Variants in LMOD1 observed in about 807,000 individuals in gnomAD.
The protein encoded by LMOD1 is leiomodin-1.
In LMOD1, 8 loss-of-function variants were observed where a neutral mutation model predicts 36.5. The observed-to-expected ratio is 0.22, with a 90% CI of 0.13 to 0.40. The LOEUF (loss-of-function observed/expected upper bound fraction) is 0.40. Ranked by LOEUF, LMOD1 falls within the 10% of genes least tolerant of loss-of-function variation. The pLI, the probability that LMOD1 is intolerant of heterozygous loss-of-function variation, is 1.00. For synonymous variants in LMOD1, 284 were observed against 288.7 expected, an observed-to-expected ratio of 0.98 and a Z score of 0.17; for missense variants, 630 against 751.1, an observed-to-expected ratio of 0.84 and a Z score of 1.88.
intron 1 of LMOD1, among the ~76,000 whole-genome samples, chr1:201,941,106 A>T (rs1273086751): frequency 1.3e-5 from 2 of 150,922 alleles, no homozygotes; most frequent in African/African-American, 4.9e-5. Context: ...AGGCTGGTAA[A>T]ATTCTTTTTT....
At chr1:201,942,990 A>C (rs2102933468) in intron 1 of LMOD1, among the ~76,000 whole-genome samples, 1 of 152,368 alleles carries the variant, frequency 6.6e-6, no homozygotes, top group East Asian at 1.9e-4. Context: ...CTATCTAGTC[A>C]GGATTTACTT....
At chr1:201,934,518 G>A (rs1205314673) in intron 1 of LMOD1, among the ~76,000 whole-genome samples, 2 of 152,118 alleles carry the variant, frequency 1.3e-5, no homozygotes, top group African/African-American at 2.4e-5. Flanking sequence ...ATCCCCATCA[G>A]CCATGCTATA....
intron 1 of LMOD1, among the ~76,000 whole-genome samples, chr1:201,901,714 A>G (rs1182225285): frequency 1.4e-5 from 2 of 139,934 alleles, no homozygotes; most frequent in African/African-American, 5.4e-5. Context: ...ATGTGAAAAC[A>G]TCAGTTATCT....
chr1:201,896,562 A>C lies in LMOD1; in HGVS notation c.*1810T>G, dbSNP rs867834391. 1 of 456,770 alleles carries C rather than the reference A, an allele frequency of 2.2e-6. No individual in the cohort carries two copies. The highest frequency in any genetic ancestry group is 1.5e-5 in the South Asian group (1 of 64,576). The allele number at this position is 456,770 out of a possible 1,614,324, so 28.3% of individuals were successfully genotyped here. ...TATTGGTATCCACCTCACAGAGTTG[A>C]AGGATCAGCTGAAGCAACCTAAAGC... On this transcript the variant is annotated 3_prime_UTR_variant, in exon 3 of 3. Transcript: ENST00000367288.
At chr1:201,932,251 G>A (rs1267819711) in intron 1 of LMOD1, among the ~76,000 whole-genome samples, 1 of 152,172 alleles carries the variant, frequency 6.6e-6, no homozygotes, top group East Asian at 1.9e-4. Flanking sequence ...CATACTGAGA[G>A]TAGGTAAGGC....
At chr1:201,900,996 A>C (rs1178922216) in intron 1 of LMOD1, among the ~76,000 whole-genome samples, 1 of 152,070 alleles carries the variant, frequency 6.6e-6, no homozygotes, top group Non-Finnish European at 1.5e-5. Context: ...CCAAACAAAT[A>C]CCTGCAAAGG....
In LMOD1 at chr1:201,936,735, G is replaced by A. The variant is rs144893814; in HGVS notation, c.261+9345C>T. Among the ~76,000 whole-genome samples the A allele has an allele frequency of 8.5e-5, 13 of 152,128 alleles. 1 individual carries two copies. The South Asian group carries it at 2.1e-3, about 24-fold the overall frequency. On this transcript the variant is annotated intron_variant, in intron 1 of 2. Coordinates refer to ENST00000367288, the MANE Select transcript of LMOD1 (RefSeq NM_012134.3). ...GTGGATCACTCAAAGTCAGGAGTTCGAGACCAGCCTGGCCAACATGGTGAA... is the reference window on the plus strand; with the variant it reads ...GTGGATCACTCAAAGTCAGGAGTTCAAGACCAGCCTGGCCAACATGGTGAA...
chr1:201,923,662 G>A (rs1021880303), intron 1 of LMOD1, among the ~76,000 whole-genome samples: 1 of 151,928 alleles, frequency 6.6e-6, no homozygotes, highest in Non-Finnish European at 1.5e-5. Context: ...TCAGGAGTTC[G>A]AGACTAGCCT....
intron 1 of LMOD1, among the ~76,000 whole-genome samples, chr1:201,905,149 C>G (rs1681392977): frequency 6.6e-6 from 1 of 152,132 alleles, no homozygotes; most frequent in Non-Finnish European, 1.5e-5. Flanking sequence ...TTGCGAAAAG[C>G]ATTAGGGTTA....
At chr1:201,940,183 C>T (rs1027974820) in intron 1 of LMOD1, among the ~76,000 whole-genome samples, 72 of 123,436 alleles carry the variant, frequency 5.8e-4, no homozygotes, top group South Asian at 1.1e-3. Flanking sequence ...CAGCCAAGCT[C>T]TTTTTTTTTT....
intron 1 of LMOD1, among the ~76,000 whole-genome samples, chr1:201,909,725 T>C (rs1289731169): frequency 6.6e-6 from 1 of 152,234 alleles, no homozygotes; most frequent in Non-Finnish European, 1.5e-5. Flanking sequence ...GAGTGCTGGC[T>C]GCCATGCCGC....
intron 1 of LMOD1, among the ~76,000 whole-genome samples, chr1:201,916,753 C>G (rs759087413): frequency 6.6e-6 from 1 of 152,174 alleles, no homozygotes; most frequent in Non-Finnish European, 1.5e-5. Flanking sequence ...GGACCTGCCT[C>G]GCAGCCTGAC....
rs1003336480 is a variant in LMOD1 at position 201,900,819 on chromosome 1, A to G, written c.262-68T>C. On this transcript the variant is annotated intron_variant, in intron 1 of 2. Transcript: ENST00000367288. Reference sequence around the variant, plus strand: ...CAGAGGGAGAGGAATGAGTATGGGGATGTGTGGGGGAGCGCTTACATAACT... The same window carrying G: ...CAGAGGGAGAGGAATGAGTATGGGGGTGTGTGGGGGAGCGCTTACATAACT... 6.8e-5 allele frequency: 95 copies of G among 1,398,210 alleles called. 1 individual carries two copies. In the African/African-American group the frequency reaches 1.3e-3, roughly 18 times the overall value. The allele number at this position is 1,398,210 out of a possible 1,614,324, so 86.6% of individuals were successfully genotyped here.
chr1:201,901,511 A>AAATATATATATATATATATGTATAT (rs1242266721), intron 1 of LMOD1, among the ~76,000 whole-genome samples: 1 of 75,228 alleles, frequency 1.3e-5, no homozygotes, highest in Non-Finnish European at 2.3e-5. Flanking sequence ...TCAAAAAAAA[A>AAATATATATATATATATATGTATAT]ATATATATAT....
chr1:201,926,101 G>A (rs1471415177), intron 1 of LMOD1, among the ~76,000 whole-genome samples: 4 of 152,134 alleles, frequency 2.6e-5, no homozygotes, highest in African/African-American at 4.8e-5. Flanking sequence ...CATACAAACC[G>A]ACACATTTCC....
chr1:201,899,228 A>G lies in LMOD1; in HGVS notation c.1776+9T>C. 1.9e-6 allele frequency: 3 copies of G among 1,571,260 alleles called. No individual in the cohort carries two copies. The highest frequency in any genetic ancestry group is 1.3e-5 in the African/African-American group (1 of 74,298). On this transcript the variant is annotated intron_variant, in intron 2 of 2. Transcript: ENST00000367288. The surrounding 1 kb of genome is among the most constrained non-coding windows in gnomAD (Gnocchi z 6.3). ...CCCGCCCTGTTGGCTCATGCCCACAACTACTTAACTTCTTGAGCTGCTTGA... is the reference window on the plus strand; with the variant it reads ...CCCGCCCTGTTGGCTCATGCCCACAGCTACTTAACTTCTTGAGCTGCTTGA...
intron 1 of LMOD1, among the ~76,000 whole-genome samples, chr1:201,945,351 G>T (rs188370331): frequency 6.6e-6 from 1 of 152,266 alleles, no homozygotes; most frequent in East Asian, 1.9e-4. Context: ...CAGCAAAGCG[G>T]CCTCGCCAGC....
At chr1:201,905,828 C>T (rs1681401491) in intron 1 of LMOD1, among the ~76,000 whole-genome samples, 1 of 152,230 alleles carries the variant, frequency 6.6e-6, no homozygotes. Flanking sequence ...TCCAGGCACT[C>T]GCCTAGGAGA....
chr1:201,896,801 C>A lies in LMOD1; in HGVS notation c.*1571G>T. On this transcript the variant is annotated 3_prime_UTR_variant, in exon 3 of 3. Coordinates refer to ENST00000367288, the MANE Select transcript of LMOD1 (RefSeq NM_012134.3). ...GGTGGAGGGAATGGAGAAGAGTGTACCCTGGGATCTGAGGGCTTTACCCCC... is the reference window on the plus strand; with the variant it reads ...GGTGGAGGGAATGGAGAAGAGTGTAACCTGGGATCTGAGGGCTTTACCCCC... The A allele has an allele frequency of 2.2e-6, 1 of 444,472 alleles. No individual in the cohort carries two copies. Among genetic ancestry groups the A allele is most frequent in the Non-Finnish European group, 4.5e-6 (1 of 219,788 alleles). The allele number at this position is 444,472 out of a possible 1,614,324, so 27.5% of individuals were successfully genotyped here.
Sources: allele counts gnomAD v4.1 joint callset (sites outside exome capture counted in the v4.1 genomes callset), GRCh38; gene constraint gnomAD v4.1.1; non-coding constraint Gnocchi (gnomAD v3.1); transcripts MANE v1.5; gene names NCBI Gene and HGNC (gene_info 2026-07-23, HGNC 2026-07-21).